Variants in ITSN1 observed in about 807,000 individuals in gnomAD.
ITSN1 encodes the protein intersectin 1.
Under a neutral mutation model 239.8 loss-of-function variants are expected in ITSN1, and 58 were observed. The ratio of observed to expected loss-of-function variants is 0.24; its 90% confidence interval spans 0.20 to 0.30. ITSN1 has a LOEUF of 0.30. Ranked by LOEUF, ITSN1 falls within the 10% of genes least tolerant of loss-of-function variation. The pLI, the probability that ITSN1 is intolerant of heterozygous loss-of-function variation, is 1.00. For missense variants in ITSN1, 1,558 were observed against 2,103.3 expected (o/e 0.74, Z 5.07); for synonymous variants, 780 against 770.8 (o/e 1.01, Z -0.20).
At chr21:33,688,976 C>G (rs1231567932) in intron 1 of ITSN1, among the ~76,000 whole-genome samples, 1 of 151,926 alleles carries the variant, frequency 6.6e-6, no homozygotes, top group Non-Finnish European at 1.5e-5. Context: ...GCACGCCCGG[C>G]TAATTTTGGT....
intron 20 of ITSN1, among the ~76,000 whole-genome samples, chr21:33,810,270 C>T (rs1014963450): frequency 2.0e-5 from 3 of 152,200 alleles, no homozygotes; most frequent in African/African-American, 7.2e-5. Context: ...TAAATGGCCT[C>T]TGTGAAATTT....
chr21:33,694,738 G>A (rs2091717176), intron 1 of ITSN1, among the ~76,000 whole-genome samples: 1 of 152,142 alleles, frequency 6.6e-6, no homozygotes, highest in East Asian at 1.9e-4. Context: ...AGAATTACTT[G>A]AACCTGGGAG....
At chr21:33,829,343 C>T (rs1437295926) in intron 26 of ITSN1, 8 of 393,822 alleles carry the variant, frequency 2.0e-5, no homozygotes, top group East Asian at 1.1e-4. Flanking sequence ...GGGCAAGGAG[C>T]GGACTTCGTG....
At position 33,726,768 on chromosome 21, in the gene ITSN1, C is replaced by T. The variant is rs971011024; in HGVS notation, c.185+4117C>T. 5.3e-5 allele frequency among the ~76,000 whole-genome samples: 8 copies of T among 151,852 alleles called. 1 individual carries two copies. In the South Asian group the frequency reaches 1.5e-3, roughly 28 times the overall value. ...AACTCCTAGATTCAAGCCGTCTGCCCGCCTCAGCCTCCCAAAGTGCTGGGA... is the reference window on the plus strand; with the variant it reads ...AACTCCTAGATTCAAGCCGTCTGCCTGCCTCAGCCTCCCAAAGTGCTGGGA... On this transcript the variant is annotated intron_variant, in intron 4 of 39. Transcript: ENST00000381318.
chr21:33,761,258 G>T (rs1182207200), intron 8 of ITSN1, among the ~76,000 whole-genome samples: 1 of 151,950 alleles, frequency 6.6e-6, no homozygotes, highest in Non-Finnish European at 1.5e-5. Context: ...TGCACTTTTG[G>T]TGGAGATGGG....
At chr21:33,659,158 G>A (rs577036572) in intron 1 of ITSN1, among the ~76,000 whole-genome samples, 5 of 152,186 alleles carry the variant, frequency 3.3e-5, no homozygotes, top group Admixed American at 1.3e-4. Context: ...AATTGCAAAC[G>A]AAAGCCCTGG....
chr21:33,829,832 C>T, intron 27 of ITSN1, 87 bp downstream of exon 27: 1 of 1,468,574 alleles, frequency 6.8e-7, no homozygotes, highest in Non-Finnish European at 9.3e-7. Context: ...TTGTAAAGTA[C>T]AAACCACCCC....
In ITSN1 at chr21:33,836,427, C is replaced by T; in HGVS notation, c.3470-14C>T. ...GCGGGTGTGCAGCCGCTCACCCAGC[C>T]CTGTCTCCTGCAGTGTGCCAGGTGA... On this transcript the variant is annotated splice_polypyrimidine_tract_variant and intron_variant, in intron 28 of 39. Coordinates refer to ENST00000381318, the MANE Select transcript of ITSN1 (RefSeq NM_003024.3). 6.3e-7 allele frequency: 1 copy of T among 1,580,878 alleles called. No homozygotes were observed. Among genetic ancestry groups the T allele is most frequent in the Non-Finnish European group, 8.6e-7 (1 of 1,159,418 alleles).
Position 33,652,796 on chromosome 21 carries a change from A to G in ITSN1, c.-33+10083A>G, listed in dbSNP as rs905181131. On this transcript the variant is annotated intron_variant, in intron 1 of 39. Coordinates refer to ENST00000381318, the MANE Select transcript of ITSN1 (RefSeq NM_003024.3). The stretch of plus-strand genomic sequence containing the variant: ...CTTACACAAATTTATTTGGTAACCA[A>G]CTTGTCTTGCTGGAACTCTAAGTTC... Among the ~76,000 whole-genome samples, 6 of 152,002 alleles carry G rather than the reference A, an allele frequency of 3.9e-5. 1 individual carries two copies. The highest frequency in any genetic ancestry group is 2.1e-4 in the South Asian group (1 of 4,826).
In ITSN1 at chr21:33,834,311, G is replaced by C; in HGVS notation, c.3356G>C (p.Arg1119Pro). 6.2e-7 allele frequency: 1 copy of C among 1,612,878 alleles called. No individual in the cohort carries two copies. The highest frequency in any genetic ancestry group is 1.3e-5 in the African/African-American group (1 of 75,026). Residue 1119 changes from arginine to proline, a missense_variant, in exon 28 of 40, where the codon CGT becomes CCT. This residue lies in a region of ITSN1 where 576 missense variants were observed against 893.3 expected (regional missense o/e 0.64). Transcript: ENST00000381318. ...ATGTAATTATTTTCTTACTAGGCAC[G>C]TGGGAAAAAGCGCCAGATAGGCTGG... Reference protein sequence around the residue: ...GGWWEGELQARGKKRQIGWFP... With the variant: ...GGWWEGELQAPGKKRQIGWFP...
intron 20 of ITSN1, 21 bp downstream of exon 20, chr21:33,802,465 A>C (rs1023509538): frequency 1.2e-6 from 2 of 1,612,740 alleles, no homozygotes; most frequent in African/African-American, 2.7e-5. Context: ...CCTAACTGTC[A>C]GGAAGTCTGC....
chr21:33,728,404 T>A (rs572919781), intron 4 of ITSN1, among the ~76,000 whole-genome samples: 3 of 152,120 alleles, frequency 2.0e-5, no homozygotes, highest in African/African-American at 7.2e-5. Context: ...AGCTAATTTT[T>A]GTATTTTTAG....
At chr21:33,812,050 T>C (rs2072953070) in intron 21 of ITSN1, among the ~76,000 whole-genome samples, 1 of 152,056 alleles carries the variant, frequency 6.6e-6, no homozygotes, top group Non-Finnish European at 1.5e-5. Context: ...CGGGAGGAAG[T>C]GGAGGGAAGG....
chr21:33,836,680 G>A (rs376274183), intron 29 of ITSN1, 48 bp downstream of exon 29: 113 of 1,430,420 alleles, frequency 7.9e-5, no homozygotes, highest in African/African-American at 9.8e-5. Context: ...GTATCTTCCC[G>A]TAAAACATGC....
intron 29 of ITSN1, among the ~76,000 whole-genome samples, chr21:33,843,136 G>A (rs1213886038): frequency 6.6e-6 from 1 of 152,142 alleles, no homozygotes; most frequent in African/African-American, 2.4e-5. Context: ...TGAGGGTCTC[G>A]GGAAACACAG....
At chr21:33,654,937 A>G (rs2088905868) in intron 1 of ITSN1, among the ~76,000 whole-genome samples, 1 of 151,964 alleles carries the variant, frequency 6.6e-6, no homozygotes, top group South Asian at 2.1e-4. Context: ...TGATTTAGGT[A>G]GCTGGAGTTT....
At chr21:33,777,417 T>G (rs1381555972) in intron 14 of ITSN1, among the ~76,000 whole-genome samples, 1 of 152,218 alleles carries the variant, frequency 6.6e-6, no homozygotes, top group Non-Finnish European at 1.5e-5. Flanking sequence ...TAGAATTGTT[T>G]TTGGTTATTC....
intron 4 of ITSN1, among the ~76,000 whole-genome samples, chr21:33,727,659 T>C (rs2065909980): frequency 6.7e-6 from 1 of 149,022 alleles, no homozygotes; most frequent in Non-Finnish European, 1.5e-5. Context: ...TCCCCTCTCC[T>C]CCATCCCTCA....
chr21:33,819,021 G>A (rs1046307530), intron 23 of ITSN1, among the ~76,000 whole-genome samples: 4 of 152,158 alleles, frequency 2.6e-5, no homozygotes, highest in African/African-American at 9.7e-5. Flanking sequence ...CATAAGCCAT[G>A]TGTCCAGTAT....
Sources: gnomAD v4.1 joint callset for allele counts (sites outside exome capture counted in the v4.1 genomes callset) on GRCh38, gnomAD v4.1.1 for gene constraint, gnomAD v4.1.1 regional missense constraint, MANE v1.5 for transcripts, NCBI Gene and HGNC (gene_info 2026-07-23, HGNC 2026-07-21) for gene names.